Variants in ABLIM2 observed in about 807,000 individuals in gnomAD.
The protein encoded by ABLIM2 is actin binding LIM protein family member 2.
ABLIM2 carries 53 observed loss-of-function variants against 97.7 expected under a neutral mutation model. The ratio of observed to expected loss-of-function variants is 0.54; its 90% CI spans 0.44 to 0.68. The LOEUF (loss-of-function observed/expected upper bound fraction) is 0.68. Ranked by LOEUF, ABLIM2 falls within the 30% of genes least tolerant of loss-of-function variation. The pLI, the probability that ABLIM2 is intolerant of heterozygous loss-of-function variation, is 0.00. For missense variants in ABLIM2, 835 were observed against 867.2 expected (o/e 0.96, Z 0.47); for synonymous variants, 361 against 345.8 (o/e 1.04, Z -0.49).
intron 1 of ABLIM2, among the ~76,000 whole-genome samples, chr4:8,144,359 C>T (rs979509572): frequency 2.0e-5 from 3 of 152,240 alleles, no homozygotes; most frequent in Non-Finnish European, 2.9e-5. Flanking sequence ...CATCCACCCC[C>T]TATGGCAGTG....
intron 2 of ABLIM2, among the ~76,000 whole-genome samples, chr4:8,103,733 TG>T (rs1178687811): frequency 2.6e-5 from 4 of 152,188 alleles, no homozygotes; most frequent in African/African-American, 9.7e-5. Flanking sequence ...GAGGCTGAAA[TG>T]GCCTGCCCAG....
chr4:8,147,414 T>A lies in ABLIM2; in HGVS notation c.10+11266A>T, dbSNP rs1851988544. ...CCAGAAGATATCCCCATCTAATCGC[T>A]AAAACCTGTGACATATATGGTTAAA... On this transcript the variant is annotated intron_variant, in intron 1 of 20. Coordinates refer to ENST00000447017, the MANE Select transcript of ABLIM2 (RefSeq NM_001130083.2). This position sits in a 1 kb window ranked among gnomAD's most constrained non-coding sequence, Gnocchi z 5.3. Among the ~76,000 whole-genome samples, 1 of 152,186 alleles carries A rather than the reference T, an allele frequency of 6.6e-6. No individual in the cohort carries two copies. The highest frequency in any genetic ancestry group is 6.5e-5 in the Admixed American group (1 of 15,276).
At chr4:8,047,779 A>G (rs1242528781) in intron 8 of ABLIM2, among the ~76,000 whole-genome samples, 4 of 152,242 alleles carry the variant, frequency 2.6e-5, no homozygotes, top group African/African-American at 9.6e-5. Context: ...GTTTCTGAGG[A>G]TTAGATCAGG....
chr4:8,097,066 G>A (rs566304319), intron 3 of ABLIM2, 33 bp downstream of exon 3: 2 of 1,578,742 alleles, frequency 1.3e-6, no homozygotes, highest in Admixed American at 1.8e-5. Context: ...CAGAGAGGCA[G>A]GGGAAGCAGA....
chr4:8,025,742 C>G (rs1201586719), intron 12 of ABLIM2, among the ~76,000 whole-genome samples: 3 of 152,124 alleles, frequency 2.0e-5, no homozygotes, highest in Non-Finnish European at 2.9e-5. Flanking sequence ...GCTCTGGCCA[C>G]TTCCCTCTCA....
chr4:8,053,045 T>G (rs557138963), intron 8 of ABLIM2, among the ~76,000 whole-genome samples: 1 of 152,192 alleles, frequency 6.6e-6, no homozygotes, highest in Non-Finnish European at 1.5e-5. Context: ...TAGACCACCC[T>G]TGGGTCACAG....
At chr4:8,066,513 G>T (rs1343254656) in intron 6 of ABLIM2, 1 of 152,110 alleles carries the variant, frequency 6.6e-6, no homozygotes, top group African/African-American at 2.4e-5. Context: ...AACAGCCCCG[G>T]TGTCCATCGT....
Position 7,998,630 on chromosome 4 carries a change from G to C in ABLIM2, c.1619-5703C>G. 1 of 506,546 alleles carries C rather than the reference G, an allele frequency of 2.0e-6. No individual in the cohort carries two copies. Among genetic ancestry groups the C allele is most frequent in the South Asian group, 1.4e-5 (1 of 69,082 alleles). The allele number at this position is 506,546 out of a possible 1,614,324, so 31.4% of individuals were successfully genotyped here. A position where few individuals can be genotyped will look rare whatever the true frequency, so the allele number is the denominator to read the frequency against. On this transcript the variant is annotated intron_variant, in intron 16 of 20. Transcript: ENST00000447017. This position sits in a 1 kb window ranked among gnomAD's most constrained non-coding sequence, Gnocchi z 6.4. ...GGCCACCTGCCCATCTGCTAGTGTGGCTGCAGGAGGAAAACACCTGCCTCG... is the reference window on the plus strand; with the variant it reads ...GGCCACCTGCCCATCTGCTAGTGTGCCTGCAGGAGGAAAACACCTGCCTCG...
At chr4:8,050,837 C>G (rs1054203424) in intron 8 of ABLIM2, among the ~76,000 whole-genome samples, 1 of 152,254 alleles carries the variant, frequency 6.6e-6, no homozygotes, top group Admixed American at 6.5e-5. Flanking sequence ...GCCAGCCGCT[C>G]TCAGCCTGCG....
In ABLIM2 at chr4:8,120,697, C is replaced by T. The variant is rs1425932774; in HGVS notation, c.11-14060G>A. Among the ~76,000 whole-genome samples, 1 of 152,214 alleles carries T rather than the reference C, an allele frequency of 6.6e-6. No homozygotes were observed. The highest frequency in any genetic ancestry group is 1.5e-5 in the Non-Finnish European group (1 of 68,036). On this transcript the variant is annotated intron_variant, in intron 1 of 20. Coordinates refer to ENST00000447017, the MANE Select transcript of ABLIM2 (RefSeq NM_001130083.2). This position sits in a 1 kb window ranked among gnomAD's most constrained non-coding sequence, Gnocchi z 5.6. ...GGAAACCAGCAGGAGCACTTCTCAG[C>T]TTACAGTGCAGGTCCGTCCTGATGA... is the stretch of plus-strand genomic sequence containing the variant.
chr4:7,982,449 G>A (rs1739441200), intron 20 of ABLIM2, among the ~76,000 whole-genome samples: 1 of 152,244 alleles, frequency 6.6e-6, no homozygotes, highest in African/African-American at 2.4e-5. Flanking sequence ...ACCGTAGGGC[G>A]GTTGTGAGGA....
intron 1 of ABLIM2, among the ~76,000 whole-genome samples, chr4:8,108,064 G>C (rs565883916): frequency 1.3e-5 from 2 of 152,350 alleles, no homozygotes; most frequent in African/African-American, 4.8e-5. Flanking sequence ...GCAAGACCTG[G>C]TGGGCACCGT....
chr4:8,091,610 TGTATAATTTTATATAA>T, intron 3 of ABLIM2, among the ~76,000 whole-genome samples: 1 of 40,892 alleles, frequency 2.4e-5, no homozygotes, highest in Non-Finnish European at 3.3e-5. Context: ...ATATATATTA[TGTATAATTTTATATAA>T]AATTATATAT....
At position 8,030,644 on chromosome 4, in the gene ABLIM2, C is replaced by T. The variant is rs569229273; in HGVS notation, c.1048-868G>A. Among the ~76,000 whole-genome samples the T allele has an allele frequency of 3.3e-5, 5 of 152,352 alleles. No individual in the cohort carries two copies. In the East Asian group the frequency reaches 7.7e-4, roughly 24 times the overall value. ...TGCTAGGTTCCTACCTGCGCTTCAC[C>T]CTGCTCCCTTTGGCGACTGTCTAAC... is the stretch of plus-strand genomic sequence containing the variant. On this transcript the variant is annotated intron_variant, in intron 10 of 20. Coordinates refer to ENST00000447017, the MANE Select transcript of ABLIM2 (RefSeq NM_001130083.2).
At chr4:7,985,519 C>A (rs946336203) in intron 17 of ABLIM2, among the ~76,000 whole-genome samples, 1 of 152,128 alleles carries the variant, frequency 6.6e-6, no homozygotes, top group Non-Finnish European at 1.5e-5. Context: ...GCTGTGCGTG[C>A]GAGTCAAAGT....
chr4:8,022,950 T>C lies in ABLIM2; in HGVS notation c.1268-2647A>G. 1 of 151,302 alleles carries C rather than the reference T, an allele frequency of 6.6e-6. No individual in the cohort carries two copies. Among genetic ancestry groups the C allele is most frequent in the Non-Finnish European group, 1.4e-5 (1 of 69,530 alleles). 9.4% of individuals were successfully genotyped at this position (151,302 alleles called of 1,614,324 possible). A position where few individuals can be genotyped will look rare whatever the true frequency, so the allele number is the denominator to read the frequency against. ...TTCCTCTTCCTCCTCCTCCTCCTCT[T>C]CTTTTTCCTCTTCCTCCTCTGCCTC... On this transcript the variant is annotated intron_variant, in intron 12 of 20. Coordinates refer to ENST00000447017, the MANE Select transcript of ABLIM2 (RefSeq NM_001130083.2). This position sits in a 1 kb window ranked among gnomAD's most constrained non-coding sequence, Gnocchi z 7.8.
chr4:8,094,239 C>T (rs1032001479), intron 3 of ABLIM2, among the ~76,000 whole-genome samples: 7 of 151,996 alleles, frequency 4.6e-5, no homozygotes, highest in Non-Finnish European at 8.8e-5. Context: ...AACATATTTA[C>T]AGTAGCTATT....
chr4:7,994,057 C>A, intron 16 of ABLIM2: 1 of 401,632 alleles, frequency 2.5e-6, no homozygotes, highest in Non-Finnish European at 4.9e-6. Context: ...AGGGGCAGGA[C>A]CCTCCACACC....
intron 16 of ABLIM2, chr4:8,007,738 C>G (rs553842723): frequency 1.4e-5 from 15 of 1,102,734 alleles, no homozygotes; most frequent in Non-Finnish European, 1.7e-5. Context: ...CTGACTTCCA[C>G]CCGGCAGCCC....
Sources: gnomAD v4.1 joint callset for allele counts (sites outside exome capture counted in the v4.1 genomes callset) on GRCh38, gnomAD v4.1.1 for gene constraint, Gnocchi (gnomAD v3.1) non-coding constraint, MANE v1.5 for transcripts, NCBI Gene and HGNC (gene_info 2026-07-23, HGNC 2026-07-21) for gene names.